Variants in PTPRD observed in about 807,000 individuals in gnomAD.
PTPRD encodes receptor-type tyrosine-protein phosphatase delta.
In PTPRD, 34 loss-of-function variants were observed where a neutral mutation model predicts 214.5. That is an observed-to-expected ratio of 0.16 (90% CI 0.12 to 0.21). The LOEUF is 0.21. Among genes scored for constraint, PTPRD ranks in the 10% least tolerant of loss-of-function variants. The pLI, the probability that PTPRD is intolerant of heterozygous loss-of-function variation, is 1.00. For missense variants in PTPRD, 2,545 were observed against 2,398.7 expected (o/e 1.06, Z -1.27); for synonymous variants, 1,128 against 845.7 (o/e 1.33, Z -5.79).
chr9:10,214,563 A>G (rs1177642156), intron 3 of PTPRD, among the ~76,000 whole-genome samples: 2 of 151,392 alleles, frequency 1.3e-5, no homozygotes, highest in East Asian at 1.9e-4. Flanking sequence ...CACCCGAGCT[A>G]TTGCACCCAG....
intron 14 of PTPRD, among the ~76,000 whole-genome samples, chr9:8,603,468 A>G (rs1280077142): frequency 6.6e-6 from 1 of 152,176 alleles, no homozygotes; most frequent in Non-Finnish European, 1.5e-5. Flanking sequence ...CTGGAGCTAC[A>G]TCTCCTTAAC....
chr9:10,241,486 T>A (rs1282265514), intron 3 of PTPRD, among the ~76,000 whole-genome samples: 1 of 151,918 alleles, frequency 6.6e-6, no homozygotes, highest in African/African-American at 2.4e-5. Context: ...CAAATTATAG[T>A]ATAGCCATGC....
chr9:10,155,437 A>C (rs571434937), intron 3 of PTPRD, among the ~76,000 whole-genome samples: 12 of 152,066 alleles, frequency 7.9e-5, no homozygotes, highest in African/African-American at 2.9e-4. Context: ...GATGTGCTTT[A>C]TTTCTTTCTC....
chr9:9,941,604 T>A (rs1221418028), intron 4 of PTPRD, among the ~76,000 whole-genome samples: 1 of 152,212 alleles, frequency 6.6e-6, no homozygotes, highest in African/African-American at 2.4e-5. Context: ...ATTACTGGCG[T>A]GAGCCACTGA....
At chr9:8,934,464 AATATATATATATAAAT>A (rs1567099158) in intron 11 of PTPRD, among the ~76,000 whole-genome samples, 102 of 10,874 alleles carry the variant, frequency 9.4e-3, no homozygotes, top group African/African-American at 0.031. Context: ...TATATATATA[AATATATATATATAAAT>A]ATATATATAT....
chr9:8,373,758 C>T (rs2082257567), intron 39 of PTPRD, among the ~76,000 whole-genome samples: 1 of 151,228 alleles, frequency 6.6e-6, no homozygotes, highest in Non-Finnish European at 1.5e-5. Flanking sequence ...AGCATGAAAC[C>T]CATACCTTGC....
intron 39 of PTPRD, among the ~76,000 whole-genome samples, chr9:8,351,006 A>T (rs532765849): frequency 8.5e-5 from 13 of 152,330 alleles, no homozygotes; most frequent in African/African-American, 3.1e-4. Context: ...ATGCACAAAG[A>T]GAGTAGAAAG....
chr9:9,726,263 G>T (rs1007066626), intron 7 of PTPRD, among the ~76,000 whole-genome samples: 1 of 152,060 alleles, frequency 6.6e-6, no homozygotes, highest in African/African-American at 2.4e-5. Context: ...ACTGACATTG[G>T]CATGCACACA....
chr9:9,556,459 T>G (rs531973566), intron 8 of PTPRD, among the ~76,000 whole-genome samples: 1 of 152,192 alleles, frequency 6.6e-6, no homozygotes, highest in Non-Finnish European at 1.5e-5. Flanking sequence ...TGTTCAAGGG[T>G]TCAACTCTAT....
chr9:8,782,479 A>G (rs1050559246), intron 11 of PTPRD, among the ~76,000 whole-genome samples: 5 of 152,032 alleles, frequency 3.3e-5, no homozygotes, highest in African/African-American at 1.2e-4. Flanking sequence ...TATATCCTCA[A>G]TTTCTTTTCA....
In PTPRD at chr9:9,813,062, T is replaced by C. The variant is rs551106706; in HGVS notation, c.-367-46211A>G. On this transcript the variant is annotated intron_variant, in intron 5 of 45. Coordinates refer to ENST00000381196, the MANE Select transcript of PTPRD (RefSeq NM_002839.4). ...AACAACACACTCTTAATGCAATCAA[T>C]GGGCCAAAGAAGAAATCAAAAAGTA... Among the ~76,000 whole-genome samples, 10 of 151,918 alleles carry C rather than the reference T, an allele frequency of 6.6e-5. No individual in the cohort carries two copies. In the South Asian group the frequency reaches 2.1e-3, roughly 32 times the overall value.
chr9:9,110,110 G>T (rs145461734), intron 10 of PTPRD, among the ~76,000 whole-genome samples: 4 of 152,220 alleles, frequency 2.6e-5, no homozygotes, highest in Non-Finnish European at 5.9e-5. Context: ...AGAAGAAAAG[G>T]AATCGTATTG....
intron 2 of PTPRD, among the ~76,000 whole-genome samples, chr9:10,541,772 A>G (rs987191641): frequency 6.6e-6 from 1 of 152,062 alleles, no homozygotes; most frequent in Non-Finnish European, 1.5e-5. Context: ...TAATATAAAG[A>G]TACATTTATA....
intron 9 of PTPRD, among the ~76,000 whole-genome samples, chr9:9,383,387 G>A (rs1027476239): frequency 4.6e-5 from 7 of 152,004 alleles, no homozygotes; most frequent in African/African-American, 1.7e-4. Context: ...GGACATACAA[G>A]TTCACCATGT....
intron 39 of PTPRD, among the ~76,000 whole-genome samples, chr9:8,351,025 T>C (rs1209541260): frequency 6.6e-6 from 1 of 152,162 alleles, no homozygotes; most frequent in Non-Finnish European, 1.5e-5. Context: ...AGAGATTTTA[T>C]TGTAGCATTG....
chr9:9,648,917 G>C (rs1342761799), intron 7 of PTPRD, among the ~76,000 whole-genome samples: 2 of 152,096 alleles, frequency 1.3e-5, no homozygotes, highest in African/African-American at 4.8e-5. Flanking sequence ...GCAAAGTATA[G>C]ATAACAACAG....
intron 2 of PTPRD, among the ~76,000 whole-genome samples, chr9:10,610,757 T>C (rs2080771051): frequency 6.6e-6 from 1 of 152,162 alleles, no homozygotes; most frequent in Non-Finnish European, 1.5e-5. Flanking sequence ...CCATATATGA[T>C]AACTTCATGT....
chr9:8,331,461 A>T, intron 44 of PTPRD, 121 bp downstream of exon 44: 2 of 1,118,998 alleles, frequency 1.8e-6, no homozygotes, highest in Non-Finnish European at 2.5e-6. Context: ...TCCTGCTTTA[A>T]GTTTTGTAAT....
At chr9:9,732,271 A>G (rs1282727015) in intron 7 of PTPRD, among the ~76,000 whole-genome samples, 1 of 152,102 alleles carries the variant, frequency 6.6e-6, no homozygotes, top group African/African-American at 2.4e-5. Context: ...CTGTGGCAAT[A>G]CTTAATTGTA....
Sources: allele counts gnomAD v4.1 joint callset (sites outside exome capture counted in the v4.1 genomes callset), GRCh38; gene constraint gnomAD v4.1.1; transcripts MANE v1.5; gene names NCBI Gene and HGNC (gene_info 2026-07-23, HGNC 2026-07-21).